The following RSPRY1 variants were observed in gnomAD, a reference collection of about 807,000 sequenced individuals.
RSPRY1 encodes ring finger and SPRY domain containing 1.
RSPRY1 carries 23 observed loss-of-function variants against 73.1 expected under a neutral mutation model. The ratio of observed to expected loss-of-function variants is 0.31; its 90% CI spans 0.23 to 0.45. The LOEUF is 0.45. Among genes scored for constraint, RSPRY1 ranks in the 20% least tolerant of loss-of-function variants. RSPRY1 has a pLI of 1.00. For synonymous variants in RSPRY1, 226 were observed against 251.4 expected (o/e 0.90, Z 0.95); for missense variants, 448 against 698.7 (o/e 0.64, Z 4.05).
Position 57,213,884 on chromosome 16 carries a change from C to G in RSPRY1, c.644-4C>G, listed in dbSNP as rs2074891615. The stretch of plus-strand genomic sequence containing the variant: ...TATATCAAGTGTTTGTTGTATTTGT[C>G]TAGGTCCTGCAAGTATAGGTTTACT... On this transcript the variant is annotated splice_polypyrimidine_tract_variant and splice_region_variant and intron_variant, in intron 5 of 14. Coordinates refer to ENST00000394420, the MANE Select transcript of RSPRY1 (RefSeq NM_133368.3). 1 of 1,591,876 alleles carries G rather than the reference C, an allele frequency of 6.3e-7. No individual in the cohort carries two copies. The highest frequency in any genetic ancestry group is 1.3e-5 in the African/African-American group (1 of 74,510).
chr16:57,238,654 G>A (rs2075336429), intron 14 of RSPRY1, among the ~76,000 whole-genome samples: 1 of 152,198 alleles, frequency 6.6e-6, no homozygotes, highest in Non-Finnish European at 1.5e-5. Flanking sequence ...TAGAGTGTCT[G>A]AAAGAATGCA....
chr16:57,188,274 T>C (rs563739601), intron 1 of RSPRY1, among the ~76,000 whole-genome samples: 29 of 152,322 alleles, frequency 1.9e-4, no homozygotes, highest in African/African-American at 3.1e-4. Flanking sequence ...TGTCCCTGTA[T>C]GACATTTTAC....
chr16:57,205,205 TTGTC>T, intron 2 of RSPRY1, 197 bp downstream of exon 2: 1 of 567,554 alleles, frequency 1.8e-6, no homozygotes, highest in South Asian at 2.2e-5. Flanking sequence ...GTCATCTACT[TTGTC>T]TGGAAATGTC....
At chr16:57,201,341 G>A (rs1260542710) in intron 1 of RSPRY1, among the ~76,000 whole-genome samples, 163 of 144,322 alleles carry the variant, frequency 1.1e-3, no homozygotes, top group African/African-American at 4.6e-3. Context: ...GGGCAGAGAC[G>A]CTCCTCACAT....
At position 57,211,720 on chromosome 16, in the gene RSPRY1, T is replaced by C. The variant is rs549425111; in HGVS notation, c.517-1252T>C. Among the ~76,000 whole-genome samples the C allele has an allele frequency of 1.3e-3, 196 of 152,268 alleles. 1 individual carries two copies. Among genetic ancestry groups the C allele is most frequent in the Admixed American group, 2.7e-3 (42 of 15,292 alleles). ...CATGTGTTTTACAGAGTCCTTTTTT[T>C]TTTTCTTTTTTTCTTCTTTTGGATT... On this transcript the variant is annotated intron_variant, in intron 4 of 14. Transcript: ENST00000394420.
At chr16:57,224,003 C>T (rs561505572) in intron 10 of RSPRY1, among the ~76,000 whole-genome samples, 2 of 152,300 alleles carry the variant, frequency 1.3e-5, no homozygotes, top group African/African-American at 4.8e-5. Flanking sequence ...ATGCTCCTTC[C>T]CCTGTTGAAG....
At chr16:57,207,507 T>C in intron 2 of RSPRY1, 3 of 442,618 alleles carry the variant, frequency 6.8e-6, no homozygotes, top group South Asian at 4.8e-5. Flanking sequence ...TGGAGCAATG[T>C]CTAGAATGTT....
At chr16:57,203,046 C>T (rs1378625856) in intron 1 of RSPRY1, among the ~76,000 whole-genome samples, 2 of 152,000 alleles carry the variant, frequency 1.3e-5, no homozygotes, top group Non-Finnish European at 2.9e-5. Flanking sequence ...TGGCTCACAC[C>T]TGTAATCCCA....
At chr16:57,190,535 C>T (rs1278669971) in intron 1 of RSPRY1, among the ~76,000 whole-genome samples, 1 of 152,182 alleles carries the variant, frequency 6.6e-6, no homozygotes, top group Non-Finnish European at 1.5e-5. Flanking sequence ...ATGGATTTAG[C>T]TTCTCTTCAA....
intron 4 of RSPRY1, among the ~76,000 whole-genome samples, chr16:57,212,624 C>G (rs547697894): frequency 9.9e-5 from 15 of 152,090 alleles, no homozygotes; most frequent in Admixed American, 3.3e-4. Flanking sequence ...TAGCTCCCCC[C>G]ACCCCCCTGA....
chr16:57,206,099 T>G (rs1202936527), intron 2 of RSPRY1, among the ~76,000 whole-genome samples: 1 of 152,198 alleles, frequency 6.6e-6, no homozygotes, highest in East Asian at 1.9e-4. Context: ...CATTTGTTAG[T>G]CTTCGAGAAG....
intron 4 of RSPRY1, among the ~76,000 whole-genome samples, chr16:57,209,608 C>T (rs1256457104): frequency 6.6e-6 from 1 of 151,982 alleles, no homozygotes; most frequent in African/African-American, 2.4e-5. Context: ...AGGTGATCCA[C>T]CTGCCTCGGC....
At chr16:57,225,537 A>C (rs150866412) in intron 10 of RSPRY1, among the ~76,000 whole-genome samples, 4 of 152,226 alleles carry the variant, frequency 2.6e-5, no homozygotes, top group Non-Finnish European at 5.9e-5. Flanking sequence ...TTTTTTTCCA[A>C]TCTCTCTCCT....
intron 14 of RSPRY1, among the ~76,000 whole-genome samples, chr16:57,238,224 C>T (rs1405848577): frequency 2.0e-5 from 3 of 152,136 alleles, no homozygotes; most frequent in Non-Finnish European, 4.4e-5. Context: ...AGGAGGACCT[C>T]TCAGTATTGT....
intron 1 of RSPRY1, among the ~76,000 whole-genome samples, chr16:57,202,206 A>G (rs534406659): frequency 3.5e-4 from 53 of 151,854 alleles, no homozygotes; most frequent in African/African-American, 1.2e-3. Flanking sequence ...TATGAACACC[A>G]AATAAAGTAA....
At chr16:57,229,395 A>G (rs1381379022) in intron 11 of RSPRY1, among the ~76,000 whole-genome samples, 5 of 152,130 alleles carry the variant, frequency 3.3e-5, no homozygotes, top group African/African-American at 1.2e-4. Context: ...TGAGAGGATC[A>G]CTTGGGGCCA....
At chr16:57,230,631 A>G (rs756979100) in intron 11 of RSPRY1, 80 bp from the exon 12 acceptor site, 5 of 790,400 alleles carry the variant, frequency 6.3e-6, no homozygotes, top group East Asian at 2.5e-5. Flanking sequence ...ATACAGTGCC[A>G]TTGAAACACT....
intron 1 of RSPRY1, among the ~76,000 whole-genome samples, chr16:57,201,722 C>T (rs1421320783): frequency 6.6e-6 from 1 of 152,218 alleles, no homozygotes; most frequent in Non-Finnish European, 1.5e-5. Flanking sequence ...CTCGGGAGGC[C>T]AAGGCTGGCG....
chr16:57,189,898 C>G (rs1288697800), intron 1 of RSPRY1, among the ~76,000 whole-genome samples: 3 of 152,028 alleles, frequency 2.0e-5, no homozygotes, highest in African/African-American at 7.2e-5. Flanking sequence ...GCCTCGTGAG[C>G]TTAATTTAGT....
Sources: allele counts gnomAD v4.1 joint callset (sites outside exome capture counted in the v4.1 genomes callset), GRCh38; gene constraint gnomAD v4.1.1; transcripts MANE v1.5; gene names NCBI Gene and HGNC (gene_info 2026-07-23, HGNC 2026-07-21).